The following MCC variants were observed in gnomAD, a reference collection of about 807,000 sequenced individuals.
MCC encodes the protein colorectal mutant cancer protein.
A neutral mutation model predicts 116.2 loss-of-function variants in MCC; 90 were observed. The observed-to-expected ratio is 0.77, with a 90% CI of 0.65 to 0.92. The LOEUF is 0.92. MCC is among the 40% of genes least tolerant of loss of function. MCC has a pLI of 0.00. For synonymous variants in MCC, 578 were observed against 510.5 expected (o/e 1.13, Z -1.78); for missense variants, 1,516 against 1,312.2 (o/e 1.16, Z -2.40).
At chr5:113,079,057 C>T (rs1256985373) in intron 11 of MCC, among the ~76,000 whole-genome samples, 1 of 152,204 alleles carries the variant, frequency 6.6e-6, no homozygotes, top group Admixed American at 6.5e-5. Flanking sequence ...CTCCCATTCA[C>T]AACTGATTCA....
intron 1 of MCC, chr5:113,435,094 C>G: frequency 2.1e-6 from 1 of 477,476 alleles, no homozygotes; most frequent in Non-Finnish European, 3.8e-6. Context: ...GACTTGGAAT[C>G]CTGGAAGGCT....
intron 2 of MCC, among the ~76,000 whole-genome samples, chr5:113,379,896 T>C (rs1769074606): frequency 6.6e-6 from 1 of 152,190 alleles, no homozygotes; most frequent in Non-Finnish European, 1.5e-5. Flanking sequence ...CAAGAAACAA[T>C]AGCATATTAA....
At chr5:113,472,598 T>C (rs1393669650) in intron 1 of MCC, among the ~76,000 whole-genome samples, 1 of 152,254 alleles carries the variant, frequency 6.6e-6, no homozygotes, top group East Asian at 1.9e-4. Context: ...CTGACAGTTA[T>C]CAAATTCTGT....
intron 5 of MCC, among the ~76,000 whole-genome samples, chr5:113,126,922 ACGCAGGTAAACTC>A (rs1386766563): frequency 6.6e-6 from 1 of 152,156 alleles, no homozygotes; most frequent in Non-Finnish European, 1.5e-5. Flanking sequence ...AGGGTTTGTT[ACGCAGGTAAACTC>A]GTGTCTTGGG....
intron 2 of MCC, among the ~76,000 whole-genome samples, chr5:113,367,646 G>T: frequency 6.9e-6 from 1 of 144,468 alleles, no homozygotes; most frequent in African/African-American, 2.5e-5. Flanking sequence ...GGGGAAGAGA[G>T]AGAGAAAGAG....
intron 2 of MCC, among the ~76,000 whole-genome samples, chr5:113,381,900 A>C (rs1239195577): frequency 1.3e-5 from 2 of 152,224 alleles, no homozygotes; most frequent in African/African-American, 4.8e-5. Flanking sequence ...GGGAAGCTAA[A>C]ATGGTAAACA....
intron 16 of MCC, chr5:113,044,546 G>C: frequency 1.4e-5 from 12 of 882,832 alleles, no homozygotes; most frequent in Non-Finnish European, 1.6e-5. Flanking sequence ...CTTGTGATCT[G>C]TTGCAGGAGA....
At chr5:113,296,904 T>C (rs945968255) in intron 3 of MCC, among the ~76,000 whole-genome samples, 3 of 152,174 alleles carry the variant, frequency 2.0e-5, no homozygotes, top group African/African-American at 7.2e-5. Context: ...TGACTTCATC[T>C]GGTGTTCAAC....
chr5:113,144,055 C>T (rs1252961134), intron 4 of MCC, among the ~76,000 whole-genome samples: 1 of 152,156 alleles, frequency 6.6e-6, no homozygotes, highest in East Asian at 1.9e-4. Context: ...GGCAAATGGC[C>T]TGGTTTACTG....
At chr5:113,368,936 T>G (rs1022207249) in intron 2 of MCC, among the ~76,000 whole-genome samples, 4 of 152,198 alleles carry the variant, frequency 2.6e-5, no homozygotes, top group African/African-American at 7.2e-5. Context: ...ATCTTTTCCT[T>G]GGATTTGATT....
chr5:113,483,028 C>A (rs1772420126), intron 1 of MCC, among the ~76,000 whole-genome samples: 1 of 152,182 alleles, frequency 6.6e-6, no homozygotes, highest in Admixed American at 6.5e-5. Context: ...CCATTTTACC[C>A]TTGACCTTGG....
At chr5:113,253,459 C>G (rs1231844189) in intron 3 of MCC, among the ~76,000 whole-genome samples, 1 of 152,144 alleles carries the variant, frequency 6.6e-6, no homozygotes, top group East Asian at 1.9e-4. Context: ...CTCTCCCCAT[C>G]CTGCTTGCTT....
chr5:113,149,992 A>G (rs1759752040), intron 4 of MCC, among the ~76,000 whole-genome samples: 1 of 152,166 alleles, frequency 6.6e-6, no homozygotes, highest in African/African-American at 2.4e-5. Context: ...CTGACCAAAG[A>G]GTCAGTGCAA....
intron 3 of MCC, chr5:113,294,661 C>G: frequency 9.3e-7 from 1 of 1,075,366 alleles, no homozygotes; most frequent in Non-Finnish European, 1.1e-6. Context: ...CGCGGGGACC[C>G]TCCCGCGCGC....
At position 113,063,998 on chromosome 5, in the gene MCC, G is replaced by A; in HGVS notation, c.2199C>T (p.Ser733=). 1 of 1,612,668 alleles carries A rather than the reference G, an allele frequency of 6.2e-7. No individual in the cohort carries two copies. ...CSVQPWESLS[S]NSHTSTTSST... ...CTGAGCATTACCTGGTGTGGCTGTTGGAGGAAAGGCTCTCCCAGGGCTGCA... is the reference window on the plus strand; with the variant it reads ...CTGAGCATTACCTGGTGTGGCTGTTAGAGGAAAGGCTCTCCCAGGGCTGCA... Residue 733 remains serine, a synonymous_variant, in exon 14 of 19, where the codon TCC becomes TCT. Transcript: ENST00000408903.
At chr5:113,090,359 A>G (rs1166258863) in intron 8 of MCC, among the ~76,000 whole-genome samples, 1 of 46,182 alleles carries the variant, frequency 2.2e-5, no homozygotes, top group Non-Finnish European at 3.8e-5. Flanking sequence ...ACCAAAAAAG[A>G]AAAAAAAAAA....
chr5:113,323,664 C>T (rs920382510), intron 3 of MCC, among the ~76,000 whole-genome samples: 2 of 152,196 alleles, frequency 1.3e-5, no homozygotes, highest in Non-Finnish European at 2.9e-5. Flanking sequence ...AAATTATATT[C>T]TTAACACATT....
intron 2 of MCC, among the ~76,000 whole-genome samples, chr5:113,380,440 G>A (rs1014883428): frequency 6.6e-6 from 1 of 152,164 alleles, no homozygotes; most frequent in Non-Finnish European, 1.5e-5. Context: ...AAGTTATTTA[G>A]TGTCTGGAAC....
intron 14 of MCC, among the ~76,000 whole-genome samples, chr5:113,054,400 T>A (rs908178201): frequency 6.6e-6 from 1 of 152,204 alleles, no homozygotes; most frequent in Admixed American, 6.5e-5. Flanking sequence ...ATATTATATA[T>A]GTAATAAAAA....
Sources: allele counts gnomAD v4.1 joint callset (sites outside exome capture counted in the v4.1 genomes callset), GRCh38; gene constraint gnomAD v4.1.1; transcripts MANE v1.5; gene names NCBI Gene and HGNC (gene_info 2026-07-23, HGNC 2026-07-21).